Variants in CADM2 observed in about 807,000 individuals in gnomAD.
CADM2 encodes cell adhesion molecule 2.
In CADM2, 12 loss-of-function variants were observed where a neutral mutation model predicts 49.8. That is an observed-to-expected ratio of 0.24 (90% confidence interval 0.15 to 0.39). The LOEUF (loss-of-function observed/expected upper bound fraction) is 0.39, where lower values mean the gene tolerates loss of function less well. Among genes scored for constraint, CADM2 ranks in the 10% least tolerant of loss-of-function variants. The pLI, the probability that CADM2 is intolerant of heterozygous loss-of-function variation, is 1.00. For synonymous variants in CADM2, 214 were observed against 175.4 expected (o/e 1.22, Z -1.74); for missense variants, 378 against 492.3 (o/e 0.77, Z 2.20).
At chr3:85,872,024 C>G (rs1475196703) in intron 3 of CADM2, among the ~76,000 whole-genome samples, 5 of 152,160 alleles carry the variant, frequency 3.3e-5, no homozygotes, top group Non-Finnish European at 5.9e-5. Flanking sequence ...TTTATACAAT[C>G]TTTCTTTCAT....
chr3:85,638,653 A>T (rs575275220), intron 1 of CADM2, among the ~76,000 whole-genome samples: 1 of 152,138 alleles, frequency 6.6e-6, no homozygotes, highest in African/African-American at 2.4e-5. Context: ...AATAGGTAAA[A>T]TTTTAAAATG....
Position 86,066,868 on chromosome 3 carries a change from T to C in CADM2, c.*85T>C. The C allele has an allele frequency of 1.1e-6, 1 of 891,074 alleles. No homozygotes were observed. The allele number at this position is 891,074 out of a possible 1,614,324, so 55.2% of individuals were successfully genotyped here. The stretch of plus-strand genomic sequence containing the variant: ...CATCTTTCAGAAGTCATTTCTACCA[T>C]CGTCTGCTACCCTTATTAACTCCCA... On this transcript the variant is annotated 3_prime_UTR_variant, in exon 10 of 10. Coordinates refer to ENST00000383699, the MANE Select transcript of CADM2 (RefSeq NM_001167675.2).
At position 85,635,367 on chromosome 3, in the gene CADM2, T is replaced by TA. The variant is rs554087498; in HGVS notation, c.62-91149dup. 6.3e-4 allele frequency among the ~76,000 whole-genome samples: 96 copies of TA among 152,220 alleles called. 1 individual carries two copies. Among genetic ancestry groups the TA allele is most frequent in the African/African-American group, 2.1e-3 (86 of 41,550 alleles). ...CATGGTAAAATTATTTCTAAGTGGG[T>TA]AAAAAATACTCTTACAGAATTAAGT... is the stretch of plus-strand genomic sequence containing the variant. On this transcript the variant is annotated intron_variant, in intron 1 of 9. Transcript: ENST00000383699.
intron 1 of CADM2, among the ~76,000 whole-genome samples, chr3:85,650,250 C>G (rs528609607): frequency 6.6e-6 from 1 of 152,286 alleles, no homozygotes; most frequent in South Asian, 2.1e-4. Flanking sequence ...ACCCATTACA[C>G]TACTGGGGAA....
chr3:85,286,932 G>C lies in CADM2; in HGVS notation c.61+327264G>C, dbSNP rs2043647223. On this transcript the variant is annotated intron_variant, in intron 1 of 9. Transcript: ENST00000383699. Reference sequence around the variant, plus strand: ...TTCAATATCAGTAATTTGATGTCCTGAAAATTTACACTGAGGAACAAAACC... The same window carrying C: ...TTCAATATCAGTAATTTGATGTCCTCAAAATTTACACTGAGGAACAAAACC... 1.3e-5 allele frequency among the ~76,000 whole-genome samples: 2 copies of C among 152,048 alleles called. 1 individual carries two copies. Among genetic ancestry groups the C allele is most frequent in the South Asian group, 4.1e-4 (2 of 4,832 alleles).
chr3:85,677,768 C>T (rs1477434551), intron 1 of CADM2, among the ~76,000 whole-genome samples: 1 of 152,106 alleles, frequency 6.6e-6, no homozygotes, highest in East Asian at 1.9e-4. Context: ...TGTTTAAAGA[C>T]AGTGCTTCCA....
chr3:85,410,387 T>C (rs1451307366), intron 1 of CADM2, among the ~76,000 whole-genome samples: 1 of 152,196 alleles, frequency 6.6e-6, no homozygotes, highest in Non-Finnish European at 1.5e-5. Context: ...TCAACTCATT[T>C]CCATTTTAAA....
At chr3:84,998,711 C>G (rs2033302793) in intron 1 of CADM2, among the ~76,000 whole-genome samples, 2 of 152,020 alleles carry the variant, frequency 1.3e-5, no homozygotes, top group Admixed American at 1.3e-4. Flanking sequence ...TTAGCTTGGA[C>G]GTTTCCAGGA....
chr3:85,042,125 T>C (rs2035466288), intron 1 of CADM2, among the ~76,000 whole-genome samples: 1 of 152,162 alleles, frequency 6.6e-6, no homozygotes, highest in African/African-American at 2.4e-5. Flanking sequence ...CCAGCGTCTC[T>C]CCATTCTTGC....
chr3:85,949,614 TCA>T lies in CADM2; in HGVS notation c.792-11854_792-11853del, dbSNP rs552772077. ...GATTTAAAAAATACCTTCAAAACTT[TCA>T]GTTTTAAGTTTCAATTATCTTCAAG... On this transcript the variant is annotated intron_variant, in intron 7 of 9. Coordinates refer to ENST00000383699, the MANE Select transcript of CADM2 (RefSeq NM_001167675.2). Among the ~76,000 whole-genome samples, 375 of 151,358 alleles carry T rather than the reference TCA, an allele frequency of 2.5e-3. 1 individual carries two copies. The highest frequency in any genetic ancestry group is 8.8e-3 in the African/African-American group (364 of 41,442).
chr3:85,795,869 A>G (rs2071589763), intron 2 of CADM2, among the ~76,000 whole-genome samples: 1 of 152,184 alleles, frequency 6.6e-6, no homozygotes, highest in African/African-American at 2.4e-5. Flanking sequence ...GCCTTTGTGA[A>G]TAGATAAGAA....
intron 5 of CADM2, among the ~76,000 whole-genome samples, chr3:85,899,606 T>C (rs552587736): frequency 6.6e-6 from 1 of 152,220 alleles, no homozygotes; most frequent in Non-Finnish European, 1.5e-5. Flanking sequence ...ATTCTTAAGC[T>C]TTATTCTAGT....
intron 1 of CADM2, among the ~76,000 whole-genome samples, chr3:85,007,206 G>A (rs2033776167): frequency 6.6e-6 from 1 of 152,088 alleles, no homozygotes; most frequent in South Asian, 2.1e-4. Context: ...CTCGAATCAG[G>A]TAGTATTCAA....
At chr3:85,160,899 T>C (rs894196781) in intron 1 of CADM2, among the ~76,000 whole-genome samples, 1 of 152,228 alleles carries the variant, frequency 6.6e-6, no homozygotes, top group Non-Finnish European at 1.5e-5. Context: ...TTGAATCATT[T>C]GTACCAAGTC....
chr3:85,408,529 A>G (rs2035508545), intron 1 of CADM2, among the ~76,000 whole-genome samples: 1 of 152,186 alleles, frequency 6.6e-6, no homozygotes, highest in Non-Finnish European at 1.5e-5. Context: ...CTACCATACA[A>G]ACTATAGAGA....
intron 1 of CADM2, among the ~76,000 whole-genome samples, chr3:85,468,751 A>G (rs2038634891): frequency 6.6e-6 from 1 of 152,162 alleles, no homozygotes; most frequent in South Asian, 2.1e-4. Flanking sequence ...GGGTGGTGAT[A>G]CCAGAATACA....
At chr3:85,397,647 A>G (rs1423909972) in intron 1 of CADM2, among the ~76,000 whole-genome samples, 1 of 152,178 alleles carries the variant, frequency 6.6e-6, no homozygotes, top group Middle Eastern at 3.2e-3. Flanking sequence ...CAAATATTGT[A>G]TGAATCACTT....
chr3:85,017,079 G>A (rs768502827), intron 1 of CADM2, among the ~76,000 whole-genome samples: 1 of 152,156 alleles, frequency 6.6e-6, no homozygotes, highest in Non-Finnish European at 1.5e-5. Flanking sequence ...CAGGTAATCA[G>A]CTATTTCTGA....
rs868677358 is a variant in CADM2 at position 85,493,124 on chromosome 3, A to G, written c.62-233398A>G. ...ATTGGATACGGCATATTGTATTCCAATATTAGTAACATTTATTAATATAAT... is the reference window on the plus strand; with the variant it reads ...ATTGGATACGGCATATTGTATTCCAGTATTAGTAACATTTATTAATATAAT... On this transcript the variant is annotated intron_variant, in intron 1 of 9. Transcript: ENST00000383699. Among the ~76,000 whole-genome samples the G allele has an allele frequency of 1.7e-4, 26 of 152,262 alleles. No individual in the cohort carries two copies. In the Middle Eastern group the frequency reaches 0.01, roughly 60 times the overall value.
Sources: gnomAD v4.1 joint callset for allele counts (sites outside exome capture counted in the v4.1 genomes callset) on GRCh38, gnomAD v4.1.1 for gene constraint, MANE v1.5 for transcripts, NCBI Gene and HGNC (gene_info 2026-07-23, HGNC 2026-07-21) for gene names.